Variants in ZNF385D observed in about 807,000 individuals in gnomAD.
The protein encoded by ZNF385D is zinc finger protein 659.
ZNF385D carries 15 observed loss-of-function variants against 35.8 expected under a neutral mutation model. The ratio of observed to expected loss-of-function variants is 0.42; its 90% CI spans 0.28 to 0.64. The LOEUF is 0.64. ZNF385D is among the 30% of genes least tolerant of loss of function. ZNF385D has a pLI of 0.23. For synonymous variants in ZNF385D, 212 were observed against 186.8 expected (o/e 1.13, Z -1.10); for missense variants, 474 against 494.6 (o/e 0.96, Z 0.39).
chr3:21,775,599 T>G (rs939381179), intron 3 of ZNF385D, among the ~76,000 whole-genome samples: 4 of 151,912 alleles, frequency 2.6e-5, no homozygotes, highest in African/African-American at 7.3e-5. Context: ...AAAATCGAAG[T>G]CTTCCGTAAC....
intron 2 of ZNF385D, among the ~76,000 whole-genome samples, chr3:22,220,246 A>C (rs1017967527): frequency 5.3e-5 from 8 of 151,830 alleles, no homozygotes; most frequent in Non-Finnish European, 1.0e-4. Flanking sequence ...TCGAGTTTTC[A>C]TAGAGACAAG....
chr3:22,197,089 A>G (rs553855472), intron 2 of ZNF385D, among the ~76,000 whole-genome samples: 1 of 152,160 alleles, frequency 6.6e-6, no homozygotes, highest in South Asian at 2.1e-4. Context: ...AATTTTTCAC[A>G]TAATTTTTAG....
chr3:21,737,942 C>T (rs147353924), intron 1 of ZNF385D, among the ~76,000 whole-genome samples: 71 of 152,324 alleles, frequency 4.7e-4, no homozygotes, highest in Non-Finnish European at 5.7e-4. Context: ...TAAAGATAGA[C>T]GGCCATCACT....
intron 2 of ZNF385D, among the ~76,000 whole-genome samples, chr3:22,174,025 A>C (rs796333963): frequency 2.7e-5 from 4 of 149,864 alleles, no homozygotes; most frequent in Non-Finnish European, 3.0e-5. Context: ...TTTACACACA[A>C]ACACACACAC....
At chr3:22,099,768 A>C (rs779193) in intron 3 of ZNF385D, among the ~76,000 whole-genome samples, 19,876 of 151,962 alleles carry the variant, frequency 0.13, 1,634 homozygotes, top group Middle Eastern at 0.22. Context: ...GTACATCCTG[A>C]TTGGGGTCTT....
intron 3 of ZNF385D, among the ~76,000 whole-genome samples, chr3:22,036,337 A>T (rs1286279949): frequency 1.3e-5 from 2 of 152,216 alleles, no homozygotes; most frequent in African/African-American, 4.8e-5. Context: ...TGTGACCAGA[A>T]AGATATAACC....
At chr3:21,490,080 C>T (rs1317951707) in intron 4 of ZNF385D, among the ~76,000 whole-genome samples, 3 of 152,164 alleles carry the variant, frequency 2.0e-5, no homozygotes, top group East Asian at 3.9e-4. Flanking sequence ...TCATTATCAA[C>T]ATGTCTTTCC....
chr3:21,749,201 A>C (rs1203319390), intron 1 of ZNF385D, among the ~76,000 whole-genome samples: 1 of 152,190 alleles, frequency 6.6e-6, no homozygotes, highest in Non-Finnish European at 1.5e-5. Context: ...TTACACAATG[A>C]AATTGATTAC....
intron 3 of ZNF385D, among the ~76,000 whole-genome samples, chr3:21,913,156 C>T (rs1392392314): frequency 6.6e-6 from 1 of 152,016 alleles, no homozygotes; most frequent in African/African-American, 2.4e-5. Context: ...TTTGCTAGTT[C>T]TTCAACAGGA....
At chr3:22,329,060 G>C (rs1270357636) in intron 2 of ZNF385D, among the ~76,000 whole-genome samples, 2 of 136,648 alleles carry the variant, frequency 1.5e-5, no homozygotes, top group Admixed American at 1.5e-4. Context: ...CTGGGCGACA[G>C]AGCGAGACTC....
chr3:21,862,848 A>G lies in ZNF385D; in HGVS notation c.326-197820T>C, dbSNP rs1219413697. Among the ~76,000 whole-genome samples, 5 of 152,298 alleles carry G rather than the reference A, an allele frequency of 3.3e-5. No individual in the cohort carries two copies. The East Asian group carries it at 9.7e-4, about 29-fold the overall frequency. On this transcript the variant is annotated intron_variant, in intron 3 of 5. Coordinates refer to the ZNF385D transcript ENST00000494108. Reference sequence around the variant, plus strand: ...CTAAGAAAGACCTAACTTCAAGTCAAACTGAACTGTTAGCTCAGTTACAAG... The same window carrying G: ...CTAAGAAAGACCTAACTTCAAGTCAGACTGAACTGTTAGCTCAGTTACAAG...
At chr3:22,218,096 A>G (rs1698007714) in intron 2 of ZNF385D, among the ~76,000 whole-genome samples, 1 of 152,116 alleles carries the variant, frequency 6.6e-6, no homozygotes, top group South Asian at 2.1e-4. Context: ...TTTAAACTTC[A>G]TATAAATCAT....
At chr3:22,097,241 G>A (rs1196559605) in intron 3 of ZNF385D, among the ~76,000 whole-genome samples, 1 of 152,036 alleles carries the variant, frequency 6.6e-6, no homozygotes, top group Admixed American at 6.6e-5. Flanking sequence ...TTTTGAGGTG[G>A]TTTGTTACAG....
chr3:21,609,605 G>T lies in ZNF385D; in HGVS notation c.166-44921C>A, dbSNP rs554653623. The stretch of plus-strand genomic sequence containing the variant: ...CCACCCTTCCCCACTAGAAATAGGG[G>T]TAGGCTCGTGAATTATGCTGAGCCT... On this transcript the variant is annotated intron_variant, in intron 2 of 7. Coordinates refer to ENST00000281523, the MANE Select transcript of ZNF385D (RefSeq NM_024697.3). Among the ~76,000 whole-genome samples the T allele has an allele frequency of 6.6e-5, 10 of 152,248 alleles. No homozygotes were observed. The South Asian group carries it at 1.9e-3, about 28-fold the overall frequency.
At chr3:22,026,378 C>T (rs1697554238) in intron 3 of ZNF385D, among the ~76,000 whole-genome samples, 1 of 152,106 alleles carries the variant, frequency 6.6e-6, no homozygotes, top group African/African-American at 2.4e-5. Flanking sequence ...CCAAGGAAAC[C>T]TCTAGCCTTT....
chr3:22,327,370 G>C (rs768890386), intron 2 of ZNF385D, among the ~76,000 whole-genome samples: 1 of 152,174 alleles, frequency 6.6e-6, no homozygotes, highest in Non-Finnish European at 1.5e-5. Context: ...AAATCACCAT[G>C]TGTGAAAGCC....
chr3:22,093,097 G>T (rs1023468984), intron 3 of ZNF385D, among the ~76,000 whole-genome samples: 1 of 152,086 alleles, frequency 6.6e-6, no homozygotes, highest in Admixed American at 6.6e-5. Flanking sequence ...AGTGGGAGAA[G>T]TGAAGTGTTG....
intron 3 of ZNF385D, among the ~76,000 whole-genome samples, chr3:21,776,291 ACT>A (rs2071284574): frequency 6.6e-6 from 1 of 151,930 alleles, no homozygotes; most frequent in Admixed American, 6.6e-5. Flanking sequence ...GAAATGTAAT[ACT>A]AGGTTAAAGG....
At chr3:22,259,327 T>G (rs1700494931) in intron 2 of ZNF385D, among the ~76,000 whole-genome samples, 1 of 151,978 alleles carries the variant, frequency 6.6e-6, no homozygotes, top group Non-Finnish European at 1.5e-5. Flanking sequence ...TTCTAATTTT[T>G]GCATGAAAAC....
Sources: gnomAD v4.1 joint callset for allele counts (sites outside exome capture counted in the v4.1 genomes callset) on GRCh38, gnomAD v4.1.1 for gene constraint, MANE v1.5 for transcripts, NCBI Gene and HGNC (gene_info 2026-07-23, HGNC 2026-07-21) for gene names.